FHIP1A: variants seen among roughly 807,000 people sequenced by gnomAD.
FHIP1A encodes the protein FHF complex subunit HOOK-interacting protein 1A.
Under a neutral mutation model 88.6 loss-of-function variants are expected in FHIP1A, and 61 were observed. That is an observed-to-expected ratio of 0.69 (90% CI 0.56 to 0.85). FHIP1A has a LOEUF of 0.85. Ranked by LOEUF, FHIP1A falls within the 40% of genes least tolerant of loss-of-function variation. The pLI, the probability that FHIP1A is intolerant of heterozygous loss-of-function variation, is 0.00. For synonymous variants in FHIP1A, 478 were observed against 496.0 expected (o/e 0.96, Z 0.48); for missense variants, 1,154 against 1,273.5 (o/e 0.91, Z 1.43).
chr4:151,456,594 T>C (rs1188330576), intron 2 of FHIP1A, among the ~76,000 whole-genome samples: 2 of 152,194 alleles, frequency 1.3e-5, no homozygotes, highest in Non-Finnish European at 1.5e-5. Flanking sequence ...ATTGTTAAAA[T>C]ATATAAACAT....
intron 3 of FHIP1A, among the ~76,000 whole-genome samples, chr4:151,561,376 A>G (rs982590075): frequency 3.9e-5 from 6 of 152,154 alleles, no homozygotes; most frequent in Non-Finnish European, 8.8e-5. Flanking sequence ...TATTTTTCGC[A>G]GTCCAGCATT....
At chr4:151,535,104 A>G (rs1433457074) in intron 3 of FHIP1A, among the ~76,000 whole-genome samples, 3 of 152,128 alleles carry the variant, frequency 2.0e-5, no homozygotes, top group Non-Finnish European at 4.4e-5. Context: ...AGTACCAGCT[A>G]TATGGAAGGC....
intron 2 of FHIP1A, among the ~76,000 whole-genome samples, chr4:151,455,728 A>G (rs935395692): frequency 1.3e-5 from 2 of 152,234 alleles, no homozygotes; most frequent in Non-Finnish European, 1.5e-5. Flanking sequence ...TACACAGAAT[A>G]TAGCACTGCT....
rs191871497 is a variant in FHIP1A at position 151,471,505 on chromosome 4, T to C, written c.-247-11019T>C. On this transcript the variant is annotated intron_variant, in intron 2 of 13. Coordinates refer to ENST00000435205, the MANE Select transcript of FHIP1A (RefSeq NM_001109977.3). ...TTCTAAAAGAAAATTTATATTCTAATTTTTATTTGTTGCCTATGTTTCATA... is the reference window on the plus strand; with the variant it reads ...TTCTAAAAGAAAATTTATATTCTAACTTTTATTTGTTGCCTATGTTTCATA... Among the ~76,000 whole-genome samples, 7 of 152,264 alleles carry C rather than the reference T, an allele frequency of 4.6e-5. No homozygotes were observed. In the East Asian group the frequency reaches 1.4e-3, roughly 29 times the overall value.
At position 151,663,015 on chromosome 4, in the gene FHIP1A, T is replaced by C; in HGVS notation, c.*261T>C. On this transcript the variant is annotated 3_prime_UTR_variant, in exon 14 of 14. Transcript: ENST00000435205. ...TTTGCTCTGTTTTTCCTCCTTATATTTTTTTGGTTGTCATTCTCCTATCCC... is the reference window on the plus strand; with the variant it reads ...TTTGCTCTGTTTTTCCTCCTTATATCTTTTTGGTTGTCATTCTCCTATCCC... The C allele has an allele frequency of 2.9e-6, 1 of 344,062 alleles. No individual in the cohort carries two copies. The highest frequency in any genetic ancestry group is 5.2e-6 in the Non-Finnish European group (1 of 193,452). The allele number at this position is 344,062 out of a possible 1,614,324, so 21.3% of individuals were successfully genotyped here.
chr4:151,556,320 A>G (rs760114633), intron 3 of FHIP1A, among the ~76,000 whole-genome samples: 4 of 152,150 alleles, frequency 2.6e-5, no homozygotes, highest in African/African-American at 4.8e-5. Context: ...TTTCTATTCT[A>G]TCATCATCCT....
intron 3 of FHIP1A, among the ~76,000 whole-genome samples, chr4:151,526,671 C>T (rs535208615): frequency 6.6e-6 from 1 of 151,270 alleles, no homozygotes; most frequent in Non-Finnish European, 1.5e-5. Flanking sequence ...GCTGACCCCC[C>T]CTCCTCCCTC....
At chr4:151,618,260 G>T (rs968252573) in intron 7 of FHIP1A, among the ~76,000 whole-genome samples, 1 of 152,200 alleles carries the variant, frequency 6.6e-6, no homozygotes, top group African/African-American at 2.4e-5. Context: ...CCAGGGCAAA[G>T]AATTGAGATT....
In FHIP1A at chr4:151,464,080, T is replaced by C. The variant is rs562552536; in HGVS notation, c.-248+9272T>C. On this transcript the variant is annotated intron_variant, in intron 2 of 13. Transcript: ENST00000435205. ...TACCCTTTTTTCAAGAAATGGGGTC[T>C]CACAGTGTTGCCCAGGCTGGACTTG... 3.3e-5 allele frequency among the ~76,000 whole-genome samples: 5 copies of C among 152,302 alleles called. No homozygotes were observed. In the South Asian group the frequency reaches 1.0e-3, roughly 32 times the overall value.
intron 3 of FHIP1A, chr4:151,534,779 T>C (rs967039722): frequency 6.6e-6 from 1 of 152,164 alleles, no homozygotes; most frequent in African/African-American, 2.4e-5. Flanking sequence ...GATCACTAGT[T>C]ATTGGAGTTT....
intron 4 of FHIP1A, among the ~76,000 whole-genome samples, chr4:151,575,894 A>C (rs758711827): frequency 1.3e-4 from 20 of 152,192 alleles, no homozygotes; most frequent in Non-Finnish European, 2.9e-4. Flanking sequence ...ACTTGCACAG[A>C]ACATGTAACA....
intron 2 of FHIP1A, among the ~76,000 whole-genome samples, chr4:151,467,620 A>T (rs1220191304): frequency 6.6e-6 from 1 of 152,226 alleles, no homozygotes; most frequent in Non-Finnish European, 1.5e-5. Flanking sequence ...AAAATGTAGT[A>T]CATATACACC....
At chr4:151,497,621 CTT>C (rs1491245312) in intron 3 of FHIP1A, among the ~76,000 whole-genome samples, 33 of 152,282 alleles carry the variant, frequency 2.2e-4, no homozygotes, top group African/African-American at 6.0e-4. Flanking sequence ...ATTGTCACAA[CTT>C]GTGTGTGTGT....
At chr4:151,599,238 T>A (rs1347904242) in intron 7 of FHIP1A, among the ~76,000 whole-genome samples, 7 of 152,346 alleles carry the variant, frequency 4.6e-5, no homozygotes, top group Non-Finnish European at 8.8e-5. Context: ...TGTGCAAAAC[T>A]GGTTATTTAT....
In FHIP1A at chr4:151,629,653, A is replaced by G. The variant is rs893266243; in HGVS notation, c.979-49A>G. ...GGGGGCCACGGGAGAGGCGTGTATC[A>G]CAGCATCAAAAGGATGCTCACCTGT... On this transcript the variant is annotated intron_variant, in intron 7 of 13. Transcript: ENST00000435205. 2.6e-6 allele frequency: 4 copies of G among 1,515,450 alleles called. No individual in the cohort carries two copies. In the African/African-American group the frequency reaches 4.1e-5, roughly 16 times the overall value. The allele number at this position is 1,515,450 out of a possible 1,614,324, so 93.9% of individuals were successfully genotyped here.
rs911326972 is a variant in FHIP1A, at chr4:151,665,927, C to T, written c.*3173C>T. ...TGGAAGAATGTAGGGGAAGAGAAAC[C>T]GTGGGTACCGCCCGCTGGCGCAGCC... On this transcript the variant is annotated 3_prime_UTR_variant, in exon 14 of 14. Transcript: ENST00000435205. Among the ~76,000 whole-genome samples the T allele has an allele frequency of 3.3e-4, 50 of 152,274 alleles. No homozygotes were observed. The highest frequency in any genetic ancestry group is 1.0e-3 in the African/African-American group (42 of 41,542).
chr4:151,514,038 A>G (rs1027795051), intron 3 of FHIP1A, among the ~76,000 whole-genome samples: 1 of 151,844 alleles, frequency 6.6e-6, no homozygotes, highest in Non-Finnish European at 1.5e-5. Context: ...TCCAAAATTG[A>G]CCACATAGTT....
intron 13 of FHIP1A, among the ~76,000 whole-genome samples, chr4:151,657,244 A>T (rs1737279319): frequency 6.6e-6 from 1 of 152,078 alleles, no homozygotes; most frequent in Non-Finnish European, 1.5e-5. Flanking sequence ...GCACTCTCCG[A>T]GCCATTTTTT....
intron 7 of FHIP1A, among the ~76,000 whole-genome samples, chr4:151,603,628 A>G (rs902042815): frequency 7.2e-5 from 11 of 152,162 alleles, no homozygotes; most frequent in Admixed American, 2.6e-4. Flanking sequence ...TTGCTTCCTC[A>G]AACTTAAAAT....
Sources: gnomAD v4.1 joint callset for allele counts (sites outside exome capture counted in the v4.1 genomes callset) on GRCh38, gnomAD v4.1.1 for gene constraint, MANE v1.5 for transcripts, NCBI Gene and HGNC (gene_info 2026-07-23, HGNC 2026-07-21) for gene names.